Variants in KCND3 observed in about 807,000 individuals in gnomAD.
KCND3 encodes A-type voltage-gated potassium channel KCND3.
In KCND3, 9 loss-of-function variants were observed where a neutral mutation model predicts 51.1. That is an observed-to-expected ratio of 0.18 (90% CI 0.11 to 0.31). The LOEUF (loss-of-function observed/expected upper bound fraction) is 0.31. Among genes scored for constraint, KCND3 ranks in the 10% least tolerant of loss-of-function variants. The pLI is 1.00. For synonymous variants in KCND3, 349 were observed against 368.0 expected (o/e 0.95, Z 0.59); for missense variants, 526 against 903.8 (o/e 0.58, Z 5.36).
chr1:111,803,354 T>G (rs187880881), intron 2 of KCND3, among the ~76,000 whole-genome samples: 1 of 152,224 alleles, frequency 6.6e-6, no homozygotes, highest in African/African-American at 2.4e-5. Context: ...TCTGATTCTC[T>G]TTCAGTCTCT....
At chr1:111,817,084 C>G (rs181795852) in intron 2 of KCND3, among the ~76,000 whole-genome samples, 1 of 151,778 alleles carries the variant, frequency 6.6e-6, no homozygotes, top group East Asian at 1.9e-4. Context: ...CTTTAGTCAC[C>G]AAAGCAGTGT....
At chr1:111,866,398 G>A (rs1668574591) in intron 2 of KCND3, among the ~76,000 whole-genome samples, 1 of 151,470 alleles carries the variant, frequency 6.6e-6, no homozygotes, top group Admixed American at 6.6e-5. Context: ...CTGAGTAGCT[G>A]GGACCATAGG....
chr1:111,898,356 C>T (rs1670218599), intron 2 of KCND3, among the ~76,000 whole-genome samples: 1 of 152,124 alleles, frequency 6.6e-6, no homozygotes, highest in Non-Finnish European at 1.5e-5. Context: ...TCCATCTGCT[C>T]CCCCGTGGCT....
chr1:111,957,266 C>T (rs928287647), intron 2 of KCND3, among the ~76,000 whole-genome samples: 6 of 152,218 alleles, frequency 3.9e-5, no homozygotes, highest in Non-Finnish European at 4.4e-5. Flanking sequence ...ACTAAGCACA[C>T]ACACAGTGCT....
intron 2 of KCND3, among the ~76,000 whole-genome samples, chr1:111,843,869 G>C (rs1667436441): frequency 6.6e-6 from 1 of 152,146 alleles, no homozygotes; most frequent in Admixed American, 6.5e-5. Context: ...CATAAAATGG[G>C]GTCTGGGAAT....
At chr1:111,986,295 G>A (rs1277383734) in intron 1 of KCND3, among the ~76,000 whole-genome samples, 1 of 152,218 alleles carries the variant, frequency 6.6e-6, no homozygotes, top group East Asian at 1.9e-4. Flanking sequence ...TCTGCCCAAA[G>A]GTTACAGGTA....
intron 2 of KCND3, among the ~76,000 whole-genome samples, chr1:111,913,880 A>G (rs1671075548): frequency 1.3e-5 from 2 of 152,216 alleles, no homozygotes; most frequent in South Asian, 4.1e-4. Flanking sequence ...TGGGCAACAG[A>G]GCAAGACCCT....
chr1:111,791,065 A>G (rs1664804423), intron 2 of KCND3, among the ~76,000 whole-genome samples: 1 of 152,210 alleles, frequency 6.6e-6, no homozygotes, highest in African/African-American at 2.4e-5. Flanking sequence ...ACACGTTTTC[A>G]TTTCTCTAGG....
chr1:111,819,408 C>G (rs565251461), intron 2 of KCND3, among the ~76,000 whole-genome samples: 2 of 152,028 alleles, frequency 1.3e-5, no homozygotes, highest in South Asian at 2.1e-4. Context: ...CCAAACCCAA[C>G]CGGGAAAGAA....
At chr1:111,986,277 A>T (rs1231038034) in intron 1 of KCND3, among the ~76,000 whole-genome samples, 1 of 152,244 alleles carries the variant, frequency 6.6e-6, no homozygotes, top group Non-Finnish European at 1.5e-5. Context: ...TCCTATGATA[A>T]AGGCTTTTCT....
chr1:111,916,211 T>C (rs72692602), intron 2 of KCND3, among the ~76,000 whole-genome samples: 37,780 of 152,062 alleles, frequency 0.25, 5,104 homozygotes, highest in Non-Finnish European at 0.31. Flanking sequence ...TAGAATGAAA[T>C]CATATAGCCT....
At chr1:111,927,021 G>A (rs1671733329) in intron 2 of KCND3, among the ~76,000 whole-genome samples, 1 of 152,162 alleles carries the variant, frequency 6.6e-6, no homozygotes, top group Non-Finnish European at 1.5e-5. Context: ...GGCTGATTAT[G>A]CTGCTAAGTG....
intron 2 of KCND3, among the ~76,000 whole-genome samples, chr1:111,874,806 A>C (rs1484874693): frequency 6.6e-6 from 1 of 152,160 alleles, no homozygotes; most frequent in Non-Finnish European, 1.5e-5. Context: ...TGACTGCCAC[A>C]TGGATACAAA....
At chr1:111,968,293 A>C (rs1674118438) in intron 2 of KCND3, among the ~76,000 whole-genome samples, 1 of 152,174 alleles carries the variant, frequency 6.6e-6, no homozygotes, top group Admixed American at 6.5e-5. Context: ...ACGAGTCCTC[A>C]GGTACAAAAA....
chr1:111,980,780 T>C (rs1026912123), intron 2 of KCND3, among the ~76,000 whole-genome samples: 9 of 152,194 alleles, frequency 5.9e-5, no homozygotes, highest in African/African-American at 1.9e-4. Context: ...GATGGAAAGC[T>C]TCACATCCCA....
chr1:111,830,940 T>C (rs573980198), intron 2 of KCND3, among the ~76,000 whole-genome samples: 1 of 152,368 alleles, frequency 6.6e-6, no homozygotes, highest in East Asian at 1.9e-4. Flanking sequence ...AACCAGAAAG[T>C]TGAAGAACTG....
At chr1:111,818,189 G>T (rs951859324) in intron 2 of KCND3, among the ~76,000 whole-genome samples, 7 of 152,214 alleles carry the variant, frequency 4.6e-5, no homozygotes, top group South Asian at 2.1e-4. Flanking sequence ...TGCAGTTGGT[G>T]TGGGGAGGGG....
Position 111,936,420 on chromosome 1 carries a change from G to A in KCND3, c.1106+45201C>T, listed in dbSNP as rs549063582. On this transcript the variant is annotated intron_variant, in intron 2 of 7. Coordinates refer to ENST00000302127, the MANE Select transcript of KCND3 (RefSeq NM_001378969.1). ...AGAGGACCAGGTGGGCTTCCTGCAA[G>A]AGGGTCTGAGTCTTAAAGGATAAAG... is the stretch of plus-strand genomic sequence containing the variant. 6.2e-4 allele frequency among the ~76,000 whole-genome samples: 95 copies of A among 152,342 alleles called. No individual in the cohort carries two copies. The Middle Eastern group carries it at 0.017, about 27-fold the overall frequency.
rs149295344 is a variant in KCND3, at chr1:111,865,509, C to T, written c.1107-78403G>A. Among the ~76,000 whole-genome samples the T allele has an allele frequency of 4.4e-3, 666 of 152,260 alleles. 4 individuals carry two copies. Among genetic ancestry groups the T allele is most frequent in the African/African-American group, 0.015 (640 of 41,538 alleles). ...CCCACCAGAATATGGCCCGTATGTG[C>T]TAACAGGGGTCAGGGTCCTGGGAAG... On this transcript the variant is annotated intron_variant, in intron 2 of 7. Coordinates refer to ENST00000302127, the MANE Select transcript of KCND3 (RefSeq NM_001378969.1).
Sources: gnomAD v4.1 joint callset for allele counts (sites outside exome capture counted in the v4.1 genomes callset) on GRCh38, gnomAD v4.1.1 for gene constraint, MANE v1.5 for transcripts, NCBI Gene and HGNC (gene_info 2026-07-23, HGNC 2026-07-21) for gene names.